RNF180: variants seen among roughly 807,000 people sequenced by gnomAD.
RNF180 encodes ring finger protein 180.
A neutral mutation model predicts 59.2 loss-of-function variants in RNF180; 38 were observed. The ratio of observed to expected loss-of-function variants is 0.64; its 90% CI spans 0.50 to 0.84. RNF180 has a LOEUF of 0.84. Ranked by LOEUF, RNF180 falls within the 40% of genes least tolerant of loss-of-function variation. The pLI, the probability that RNF180 is intolerant of heterozygous loss-of-function variation, is 0.00. For synonymous variants in RNF180, 262 were observed against 240.3 expected (o/e 1.09, Z -0.84); for missense variants, 705 against 700.9 (o/e 1.01, Z -0.07).
intron 2 of RNF180, among the ~76,000 whole-genome samples, chr5:64,206,739 G>A (rs1752034439): frequency 6.6e-6 from 1 of 152,070 alleles, no homozygotes; most frequent in South Asian, 2.1e-4. Context: ...TAAAGATGGG[G>A]CCTTAATCCA....
At chr5:64,341,802 T>C (rs936406476) in intron 7 of RNF180, among the ~76,000 whole-genome samples, 1 of 152,138 alleles carries the variant, frequency 6.6e-6, no homozygotes, top group African/African-American at 2.4e-5. Flanking sequence ...GGCTGCAGGT[T>C]ATTCTTGATG....
intron 7 of RNF180, among the ~76,000 whole-genome samples, chr5:64,350,511 A>C (rs548822335): frequency 6.6e-6 from 1 of 152,202 alleles, no homozygotes; most frequent in East Asian, 1.9e-4. Context: ...TGTATTGCCT[A>C]GATTTTCTTC....
intron 4 of RNF180, among the ~76,000 whole-genome samples, chr5:64,215,062 T>C (rs1029817823): frequency 2.6e-5 from 4 of 152,118 alleles, no homozygotes; most frequent in Non-Finnish European, 4.4e-5. Context: ...TTTACCCTTA[T>C]TGTAATTTCG....
At position 64,283,056 on chromosome 5, in the gene RNF180, G is replaced by GT. The variant is rs564190570; in HGVS notation, c.1228-42126dup. On this transcript the variant is annotated intron_variant, in intron 5 of 7. Transcript: ENST00000389100. Reference sequence around the variant, plus strand: ...TAAGTTCAAGTTTAGATATCTTTGAGTTTTCCACCTCAGTCATTTGTCTAA... The same window carrying GT: ...TAAGTTCAAGTTTAGATATCTTTGAGTTTTTCCACCTCAGTCATTTGTCTAA... Among the ~76,000 whole-genome samples, 588 of 152,214 alleles carry GT rather than the reference G, an allele frequency of 3.9e-3. 4 individuals are homozygous for GT. Among genetic ancestry groups the GT allele is most frequent in the African/African-American group, 0.013 (541 of 41,546 alleles).
chr5:64,311,321 A>G (rs1743753333), intron 5 of RNF180, among the ~76,000 whole-genome samples: 1 of 152,004 alleles, frequency 6.6e-6, no homozygotes, highest in Admixed American at 6.6e-5. Context: ...AAAAGCATAG[A>G]TCTGCATCAC....
chr5:64,304,368 G>A lies in RNF180; in HGVS notation c.1228-20818G>A, dbSNP rs554253732. ...ATAGTGATGCCTGTGATGGATCTGG[G>A]CAAAGCACATGGAAAACCTTCTGGA... is the stretch of plus-strand genomic sequence containing the variant. On this transcript the variant is annotated intron_variant, in intron 5 of 7. Transcript: ENST00000389100. Among the ~76,000 whole-genome samples, 37 of 151,692 alleles carry A rather than the reference G, an allele frequency of 2.4e-4. 1 individual carries two copies. The highest frequency in any genetic ancestry group is 6.8e-3 in the Middle Eastern group (2 of 294).
intron 2 of RNF180, 151 bp downstream of exon 2, chr5:64,201,093 C>A: frequency 1.7e-6 from 1 of 602,594 alleles, no homozygotes; most frequent in Non-Finnish European, 2.7e-6. Flanking sequence ...TTCACCTGAC[C>A]CACTGAAAAC....
chr5:64,255,217 A>G (rs1447968714), intron 5 of RNF180, among the ~76,000 whole-genome samples: 3 of 152,088 alleles, frequency 2.0e-5, no homozygotes, highest in Admixed American at 2.0e-4. Context: ...TTTTATTATT[A>G]TTATACTTTA....
At chr5:64,177,425 C>G (rs1750296218) in intron 1 of RNF180, among the ~76,000 whole-genome samples, 1 of 151,224 alleles carries the variant, frequency 6.6e-6, no homozygotes, top group African/African-American at 2.4e-5. Flanking sequence ...TTATCTGATA[C>G]TACTTAATTG....
intron 5 of RNF180, among the ~76,000 whole-genome samples, chr5:64,309,562 C>G (rs1256078606): frequency 6.6e-6 from 1 of 151,168 alleles, no homozygotes; most frequent in East Asian, 1.9e-4. Context: ...AATATCGGAC[C>G]TTTTCACCAA....
At chr5:64,204,451 A>G (rs1040449941) in intron 2 of RNF180, among the ~76,000 whole-genome samples, 3 of 152,198 alleles carry the variant, frequency 2.0e-5, no homozygotes, top group Non-Finnish European at 2.9e-5. Flanking sequence ...TCACGTCTTC[A>G]CCAACATTTA....
intron 7 of RNF180, among the ~76,000 whole-genome samples, chr5:64,368,698 C>A (rs891059740): frequency 6.6e-6 from 1 of 151,946 alleles, no homozygotes; most frequent in Admixed American, 6.6e-5. Flanking sequence ...AGCCAAAAGA[C>A]ACATGAAAAA....
At chr5:64,238,816 G>A (rs903911722) in intron 5 of RNF180, among the ~76,000 whole-genome samples, 13 of 151,996 alleles carry the variant, frequency 8.6e-5, no homozygotes, top group African/African-American at 2.4e-4. Context: ...TTTCTTTGCC[G>A]TATAGAAGTT....
intron 2 of RNF180, among the ~76,000 whole-genome samples, chr5:64,208,069 A>G (rs971739332): frequency 6.6e-6 from 1 of 152,152 alleles, no homozygotes; most frequent in African/African-American, 2.4e-5. Context: ...ATGATAAAAA[A>G]TAAGGCATCA....
intron 5 of RNF180, among the ~76,000 whole-genome samples, chr5:64,273,855 G>A (rs963845460): frequency 5.9e-5 from 9 of 151,944 alleles, no homozygotes; most frequent in African/African-American, 2.2e-4. Flanking sequence ...AAGGAATGGT[G>A]AAGGTTTCAA....
intron 5 of RNF180, among the ~76,000 whole-genome samples, chr5:64,324,424 G>A (rs1361719115): frequency 6.6e-6 from 1 of 152,172 alleles, no homozygotes; most frequent in Non-Finnish European, 1.5e-5. Context: ...CCACAAACGT[G>A]GGGACAACAT....
At chr5:64,208,347 T>C (rs1752127791) in intron 2 of RNF180, among the ~76,000 whole-genome samples, 1 of 152,042 alleles carries the variant, frequency 6.6e-6, no homozygotes, top group Non-Finnish European at 1.5e-5. Context: ...ACAATCCTGG[T>C]AAAACAGTTC....
At chr5:64,181,312 ACACT>A (rs1750572553) in intron 1 of RNF180, among the ~76,000 whole-genome samples, 4 of 152,326 alleles carry the variant, frequency 2.6e-5, no homozygotes, top group African/African-American at 9.6e-5. Flanking sequence ...AATCAAGTTG[ACACT>A]CAGTATTAAC....
intron 5 of RNF180, among the ~76,000 whole-genome samples, chr5:64,323,752 G>T (rs1744490619): frequency 6.6e-6 from 1 of 152,120 alleles, no homozygotes; most frequent in Non-Finnish European, 1.5e-5. Context: ...CTATGTGCCA[G>T]GTGCCATACT....
Sources: allele counts gnomAD v4.1 joint callset (sites outside exome capture counted in the v4.1 genomes callset), GRCh38; gene constraint gnomAD v4.1.1; transcripts MANE v1.5; gene names NCBI Gene and HGNC (gene_info 2026-07-23, HGNC 2026-07-21).